STT3B: variants seen among roughly 807,000 people sequenced by gnomAD.
STT3B encodes dolichyl-diphosphooligosaccharide--protein glycosyltransferase subunit STT3B.
In STT3B, 29 loss-of-function variants were observed where a neutral mutation model predicts 96.8. The ratio of observed to expected loss-of-function variants is 0.30; its 90% confidence interval spans 0.22 to 0.41. The LOEUF (loss-of-function observed/expected upper bound fraction) is 0.41, where lower values mean the gene tolerates loss of function less well. Ranked by LOEUF, STT3B falls within the 10% of genes least tolerant of loss-of-function variation. The probability of loss-of-function intolerance (pLI) is 1.00; values close to 1 mark genes in which losing one functional copy is unlikely to be tolerated. For synonymous variants in STT3B, 367 were observed against 360.0 expected (o/e 1.02, Z -0.22); for missense variants, 640 against 1,022.3 (o/e 0.63, Z 5.10).
At chr3:31,544,173 G>C (rs928253583) in intron 1 of STT3B, among the ~76,000 whole-genome samples, 4 of 152,136 alleles carry the variant, frequency 2.6e-5, no homozygotes, top group Admixed American at 2.6e-4. Flanking sequence ...CATGGCTCTT[G>C]ATTTAACTTT....
intron 1 of STT3B, among the ~76,000 whole-genome samples, chr3:31,556,769 T>A (rs1697722666): frequency 2.0e-5 from 3 of 152,200 alleles, no homozygotes; most frequent in Admixed American, 1.3e-4. Flanking sequence ...GTGTGAGTTC[T>A]TTCTAGGTTC....
chr3:31,552,963 A>G (rs951638062), intron 1 of STT3B, among the ~76,000 whole-genome samples: 5 of 151,970 alleles, frequency 3.3e-5, no homozygotes, highest in Middle Eastern at 3.4e-3. Context: ...TTAGCCGGGC[A>G]TGGTGGCGCG....
chr3:31,598,095 C>G (rs887451002), intron 4 of STT3B, among the ~76,000 whole-genome samples: 7 of 152,210 alleles, frequency 4.6e-5, no homozygotes, highest in African/African-American at 1.7e-4. Flanking sequence ...CTCAGCCTCC[C>G]AAAGTGCTGG....
intron 5 of STT3B, among the ~76,000 whole-genome samples, chr3:31,602,689 T>C (rs1394316925): frequency 6.9e-6 from 1 of 144,184 alleles, no homozygotes; most frequent in Non-Finnish European, 1.5e-5. Context: ...TTTTGGTCAC[T>C]CTAGAAAAAT....
intron 1 of STT3B, among the ~76,000 whole-genome samples, chr3:31,572,182 GAT>G (rs906570760): frequency 1.4e-5 from 2 of 141,322 alleles, no homozygotes; most frequent in African/African-American, 5.3e-5. Context: ...TTATATATGA[GAT>G]ATATAATATA....
At chr3:31,600,480 CAT>C (rs1483247349) in intron 5 of STT3B, 21 bp downstream of exon 5, 1 of 1,098,946 alleles carries the variant, frequency 9.1e-7, no homozygotes, top group East Asian at 2.4e-5. Flanking sequence ...TGATTTTTGA[CAT>C]CTGTCAACTA....
chr3:31,608,147 T>C (rs1041010755), intron 5 of STT3B, among the ~76,000 whole-genome samples: 48 of 152,216 alleles, frequency 3.2e-4, no homozygotes, highest in African/African-American at 1.0e-3. Context: ...TACTGTTTAT[T>C]GTACCTTCAA....
Position 31,623,905 on chromosome 3 carries a change from TC to T in STT3B, c.1727+45del, listed in dbSNP as rs772175117. 10 of 1,426,750 alleles carry T rather than the reference TC, an allele frequency of 7.0e-6. No homozygotes were observed. In the African/African-American group the frequency reaches 1.1e-4, roughly 16 times the overall value. The allele number at this position is 1,426,750 out of a possible 1,614,324, so 88.4% of individuals were successfully genotyped here. On this transcript the variant is annotated intron_variant, in intron 11 of 15. Coordinates refer to ENST00000295770, the MANE Select transcript of STT3B (RefSeq NM_178862.3). ...TACAAAAACATTTTATACTTACACTTCTTTTTCGTTGTCTCAAAGGATATAA... is the reference window on the plus strand; with the variant it reads ...TACAAAAACATTTTATACTTACACTTTTTTTCGTTGTCTCAAAGGATATAA...
intron 5 of STT3B, among the ~76,000 whole-genome samples, chr3:31,609,271 A>T (rs1699130584): frequency 6.6e-6 from 1 of 151,908 alleles, no homozygotes; most frequent in African/African-American, 2.4e-5. Flanking sequence ...ATTTGCTGGT[A>T]TTTGTCTTTT....
At chr3:31,534,861 T>C (rs1015780387) in intron 1 of STT3B, among the ~76,000 whole-genome samples, 4 of 152,326 alleles carry the variant, frequency 2.6e-5, no homozygotes, top group African/African-American at 7.2e-5. Context: ...GAAGAAAATA[T>C]GTTAGTGTAG....
In STT3B at chr3:31,634,701, G is replaced by C. The variant is rs540337309; in HGVS notation, c.2401-1283G>C. 1.6e-4 allele frequency among the ~76,000 whole-genome samples: 24 copies of C among 152,204 alleles called. No individual in the cohort carries two copies. In the East Asian group the frequency reaches 4.4e-3, roughly 28 times the overall value. On this transcript the variant is annotated intron_variant, in intron 15 of 15. Transcript: ENST00000295770. ...AATTGTAGTCCAGGCTGCAGAAAAG[G>C]CTTTTTGGCACATGGTTCACTGCCA...
intron 3 of STT3B, among the ~76,000 whole-genome samples, 153 bp downstream of exon 3, chr3:31,580,249 T>G (rs1698352941): frequency 6.6e-6 from 1 of 152,192 alleles, no homozygotes; most frequent in Non-Finnish European, 1.5e-5. Context: ...TGGATAACAT[T>G]TTAAAATATG....
chr3:31,576,731 A>G (rs538029387), intron 2 of STT3B, among the ~76,000 whole-genome samples: 1 of 152,022 alleles, frequency 6.6e-6, no homozygotes. Context: ...CTTTTTGACA[A>G]GTGGTGGAGG....
chr3:31,611,500 GTTTC>G (rs1258182230), intron 5 of STT3B, among the ~76,000 whole-genome samples: 3 of 152,174 alleles, frequency 2.0e-5, no homozygotes, highest in South Asian at 4.1e-4. Flanking sequence ...TGGAGATTGT[GTTTC>G]TTTATTTATT....
chr3:31,553,532 C>G (rs1416622217), intron 1 of STT3B, among the ~76,000 whole-genome samples: 1 of 152,032 alleles, frequency 6.6e-6, no homozygotes, highest in Non-Finnish European at 1.5e-5. Flanking sequence ...TACGATTATT[C>G]CATTTATCTG....
chr3:31,617,651 A>C (rs1374008079), intron 7 of STT3B, among the ~76,000 whole-genome samples: 1 of 151,908 alleles, frequency 6.6e-6, no homozygotes, highest in Non-Finnish European at 1.5e-5. Flanking sequence ...TTAATGCCTT[A>C]GCCTTATTAG....
At chr3:31,620,605 T>A (rs1406271810) in intron 9 of STT3B, among the ~76,000 whole-genome samples, 2 of 152,204 alleles carry the variant, frequency 1.3e-5, no homozygotes, top group African/African-American at 4.8e-5. Flanking sequence ...TACAAAATAT[T>A]TAAATGCCAA....
chr3:31,629,475 C>A, intron 14 of STT3B, 64 bp downstream of exon 14: 1 of 853,632 alleles, frequency 1.2e-6, no homozygotes, highest in Non-Finnish European at 1.9e-6. Flanking sequence ...GTCTTATTTG[C>A]CTCTAGAAAA....
At position 31,637,546 on chromosome 3, in the gene STT3B, A is replaced by C. The variant is rs1352112927; in HGVS notation, c.*1482A>C. The C allele has an allele frequency of 6.6e-6, 1 of 152,154 alleles. No individual in the cohort carries two copies. The highest frequency in any genetic ancestry group is 1.9e-4 in the East Asian group (1 of 5,200). The allele number at this position is 152,154 out of a possible 1,614,324, so 9.4% of individuals were successfully genotyped here. A position where few individuals can be genotyped will look rare whatever the true frequency, so the allele number is the denominator to read the frequency against. ...CTTGTCATTTGGGGGATTTTATTTTACTTTGTTGCTTTAAAATTCAATGCA... is the reference window on the plus strand; with the variant it reads ...CTTGTCATTTGGGGGATTTTATTTTCCTTTGTTGCTTTAAAATTCAATGCA... On this transcript the variant is annotated 3_prime_UTR_variant, in exon 16 of 16. Transcript: ENST00000295770.
Sources: gnomAD v4.1 joint callset for allele counts (sites outside exome capture counted in the v4.1 genomes callset) on GRCh38, gnomAD v4.1.1 for gene constraint, MANE v1.5 for transcripts, NCBI Gene and HGNC (gene_info 2026-07-23, HGNC 2026-07-21) for gene names.